The following TMEM108 variants were observed in gnomAD, a reference collection of about 807,000 sequenced individuals.
TMEM108 encodes cancer/testis antigen 124.
TMEM108 carries 12 observed loss-of-function variants against 35.1 expected under a neutral mutation model. That is an observed-to-expected ratio of 0.34 (90% confidence interval 0.22 to 0.55). The LOEUF is 0.55. Ranked by LOEUF, TMEM108 falls within the 20% of genes least tolerant of loss-of-function variation. The probability of loss-of-function intolerance (pLI) is 0.89; values close to 1 mark genes in which losing one functional copy is unlikely to be tolerated. For missense variants in TMEM108, 680 were observed against 753.3 expected (o/e 0.90, Z 1.14); for synonymous variants, 287 against 308.6 (o/e 0.93, Z 0.73).
At chr3:133,372,421 C>T (rs1243821181) in intron 3 of TMEM108, among the ~76,000 whole-genome samples, 1 of 152,098 alleles carries the variant, frequency 6.6e-6, no homozygotes, top group African/African-American at 2.4e-5. Context: ...GTTTCTTACC[C>T]CTGGGAAAAG....
intron 2 of TMEM108, among the ~76,000 whole-genome samples, chr3:133,141,773 T>A (rs1394156474): frequency 6.6e-6 from 1 of 152,182 alleles, no homozygotes; most frequent in Admixed American, 6.5e-5. Context: ...TCATTATTGC[T>A]ATTAATAAAA....
At chr3:133,249,794 A>AC (rs1432455198) in intron 3 of TMEM108, among the ~76,000 whole-genome samples, 1 of 152,180 alleles carries the variant, frequency 6.6e-6, no homozygotes, top group African/African-American at 2.4e-5. Flanking sequence ...ATTTTAAATT[A>AC]ACTTCTGTGG....
chr3:133,051,716 A>G (rs1180394588), intron 2 of TMEM108, among the ~76,000 whole-genome samples: 4 of 152,060 alleles, frequency 2.6e-5, no homozygotes, highest in African/African-American at 4.8e-5. Flanking sequence ...TGTCTAGATT[A>G]ATATATTTTG....
chr3:133,162,191 C>G (rs1221501521), intron 2 of TMEM108, among the ~76,000 whole-genome samples: 3 of 150,824 alleles, frequency 2.0e-5, no homozygotes, highest in Non-Finnish European at 3.0e-5. Flanking sequence ...TCTCTTTAAT[C>G]TTGGTATCCC....
chr3:133,146,836 C>T (rs1047377898), intron 2 of TMEM108, among the ~76,000 whole-genome samples: 4 of 152,004 alleles, frequency 2.6e-5, no homozygotes, highest in Non-Finnish European at 2.9e-5. Context: ...TTTATTGTGT[C>T]TATTTGATTC....
rs984327435 is a variant in TMEM108 at position 133,133,681 on chromosome 3, CT to C, written c.-47+87670del. ...AGTGGCAGAGTTTTCTTTTTTTTTCCTTTTTTTTTCTTTCTTTTTTTTTTTT... is the reference window on the plus strand; with the variant it reads ...AGTGGCAGAGTTTTCTTTTTTTTTCCTTTTTTTTCTTTCTTTTTTTTTTTT... On this transcript the variant is annotated intron_variant, in intron 2 of 5. Coordinates refer to ENST00000321871, the MANE Select transcript of TMEM108 (RefSeq NM_023943.4). 2.3e-3 allele frequency among the ~76,000 whole-genome samples: 341 copies of C among 149,184 alleles called. 1 individual carries two copies. The highest frequency in any genetic ancestry group is 7.5e-3 in the African/African-American group (306 of 40,626).
In TMEM108 at chr3:133,379,899, T is replaced by C; in HGVS notation, c.188T>C (p.Val63Ala). ...APHSSTRHTS[V>A]VMLTPNPDGP... The stretch of plus-strand genomic sequence containing the variant: ...CACAGCTCTACCAGACATACTTCTG[T>C]GGTGATGCTGACCCCCAATCCCGAT... Residue 63 changes from valine to alanine, a missense_variant, in exon 4 of 6, where the codon GTG (valine) becomes GCG (alanine). By Grantham distance (64) the Val-to-Ala change is moderately conservative. This residue lies in a region of TMEM108 where 526 missense variants were observed against 532.1 expected (regional missense o/e 0.99). Transcript: ENST00000321871. 6.2e-7 allele frequency: 1 copy of C among 1,613,830 alleles called. No homozygotes were observed. The highest frequency in any genetic ancestry group is 8.5e-7 in the Non-Finnish European group (1 of 1,179,914).
Position 133,380,804 on chromosome 3 carries a change from G to T in TMEM108, c.1093G>T (p.Asp365Tyr). 6.2e-7 allele frequency: 1 copy of T among 1,614,128 alleles called. No individual in the cohort carries two copies. Among genetic ancestry groups the T allele is most frequent in the Non-Finnish European group, 8.5e-7 (1 of 1,180,028 alleles). ...CACGGGGCCCACCCCAGCTGCCTTC[G>T]ATACCAGTGTCTCAGCCCCTTCCCA... ...AATGPTPAAF[D>Y]TSVSAPSQGI... is the part of the protein sequence containing the mutation. The change falls in exon 4 of 6, where the codon GAT becomes TAT. Residue 365 changes from aspartate to tyrosine, a missense_variant. By Grantham distance (160) the Asp-to-Tyr change is radical. Transcript: ENST00000321871. The surrounding 1 kb of genome is among the most constrained non-coding windows in gnomAD (Gnocchi z 5.3).
intron 2 of TMEM108, among the ~76,000 whole-genome samples, chr3:133,201,178 G>C (rs77976206): frequency 2.6e-5 from 4 of 152,044 alleles, no homozygotes; most frequent in African/African-American, 9.7e-5. Context: ...TATATCCACA[G>C]CTTAAGCCTG....
chr3:133,184,913 A>G (rs1639909078), intron 2 of TMEM108, among the ~76,000 whole-genome samples: 1 of 152,250 alleles, frequency 6.6e-6, no homozygotes, highest in African/African-American at 2.4e-5. Flanking sequence ...TACAGTTGAC[A>G]TCTTTTTAAT....
chr3:133,214,766 A>G (rs957646723), intron 2 of TMEM108, among the ~76,000 whole-genome samples: 1 of 152,160 alleles, frequency 6.6e-6, no homozygotes, highest in Non-Finnish European at 1.5e-5. Context: ...GTGAGGGAGC[A>G]TTACCAGCTG....
rs117286285 is a variant in TMEM108 at position 133,095,804 on chromosome 3, C to T, written c.-47+49784C>T. Among the ~76,000 whole-genome samples, 693 of 152,224 alleles carry T rather than the reference C, an allele frequency of 4.6e-3. 14 individuals carry two copies. Among genetic ancestry groups the T allele is most frequent in the South Asian group, 0.032 (152 of 4,822 alleles). ...AAGTACAGATGAAGTTTTGCTTGTT[C>T]GCTCACCCGATGCTCACCTCCTACT... On this transcript the variant is annotated intron_variant, in intron 2 of 5. Coordinates refer to ENST00000321871, the MANE Select transcript of TMEM108 (RefSeq NM_023943.4).
At chr3:133,340,565 A>G (rs2071632026) in intron 3 of TMEM108, among the ~76,000 whole-genome samples, 1 of 151,788 alleles carries the variant, frequency 6.6e-6, no homozygotes, top group Non-Finnish European at 1.5e-5. Context: ...CTCATTCTAT[A>G]AGACCAGTAT....
At chr3:133,250,835 T>G in intron 3 of TMEM108, among the ~76,000 whole-genome samples, 1 of 152,142 alleles carries the variant, frequency 6.6e-6, no homozygotes, top group Non-Finnish European at 1.5e-5. Flanking sequence ...TGATGGTGTA[T>G]TTTTTTAATG....
At chr3:133,039,147 A>G (rs1175474054) in intron 1 of TMEM108, among the ~76,000 whole-genome samples, 1 of 152,160 alleles carries the variant, frequency 6.6e-6, no homozygotes, top group Non-Finnish European at 1.5e-5. Context: ...ATGAAAGTCT[A>G]CAAAAACCAA....
chr3:133,231,506 G>C (rs1004821401), intron 3 of TMEM108, among the ~76,000 whole-genome samples: 7 of 152,144 alleles, frequency 4.6e-5, no homozygotes, highest in Non-Finnish European at 8.8e-5. Flanking sequence ...GGTGGCTTCA[G>C]ATTGGTCAGA....
chr3:133,094,234 C>A (rs80275696), intron 2 of TMEM108, among the ~76,000 whole-genome samples: 5 of 93,486 alleles, frequency 5.3e-5, no homozygotes, highest in East Asian at 4.3e-4. Flanking sequence ...CCACCCCCCA[C>A]CCCCCCCACA....
intron 2 of TMEM108, among the ~76,000 whole-genome samples, chr3:133,161,008 A>T (rs890680226): frequency 1.3e-5 from 2 of 152,110 alleles, no homozygotes; most frequent in Non-Finnish European, 2.9e-5. Flanking sequence ...TGCCAATATG[A>T]TCTTTTAAAA....
chr3:133,071,261 C>A (rs892298112), intron 2 of TMEM108, among the ~76,000 whole-genome samples: 32 of 152,188 alleles, frequency 2.1e-4, no homozygotes, highest in African/African-American at 7.2e-4. Context: ...GGCCAGAAGT[C>A]CAAGATCAGG....
Sources: allele counts gnomAD v4.1 joint callset (sites outside exome capture counted in the v4.1 genomes callset), GRCh38; gene constraint gnomAD v4.1.1; regional missense constraint gnomAD v4.1.1; non-coding constraint Gnocchi (gnomAD v3.1); transcripts MANE v1.5; gene names NCBI Gene and HGNC (gene_info 2026-07-23, HGNC 2026-07-21).